The following GRK3 variants were observed in gnomAD, a reference collection of about 807,000 sequenced individuals.
GRK3 encodes adrenergic, beta, receptor kinase 2.
GRK3 carries 54 observed loss-of-function variants against 95.7 expected under a neutral mutation model. The ratio of observed to expected loss-of-function variants is 0.56; its 90% CI spans 0.45 to 0.71. The LOEUF is 0.71. Among genes scored for constraint, GRK3 ranks in the 30% least tolerant of loss-of-function variants. GRK3 has a pLI of 0.00. For missense variants in GRK3, 649 were observed against 851.2 expected (o/e 0.76, Z 2.96); for synonymous variants, 281 against 290.8 (o/e 0.97, Z 0.34).
intron 2 of GRK3, among the ~76,000 whole-genome samples, chr22:25,606,177 G>A (rs2084445046): frequency 6.6e-6 from 1 of 152,220 alleles, no homozygotes; most frequent in Admixed American, 6.5e-5. Context: ...CAGTCTCACT[G>A]GGCGCTGATG....
intron 2 of GRK3, among the ~76,000 whole-genome samples, chr22:25,617,349 T>C (rs1361637496): frequency 2.0e-5 from 3 of 152,200 alleles, no homozygotes; most frequent in Admixed American, 6.5e-5. Context: ...TGAAATGGAA[T>C]AGCTTGCTGG....
Position 25,726,912 on chromosome 22 carries a change from CGTGTGTGTGTGT to C in GRK3, c.*4496_*4507del, listed in dbSNP as rs3223258. 8.2e-3 allele frequency: 1,126 copies of C among 137,996 alleles called. 6 individuals are homozygous for C. Among genetic ancestry groups the C allele is most frequent in the Middle Eastern group, 0.014 (4 of 280 alleles). 8.5% of individuals were successfully genotyped at this position (137,996 alleles called of 1,614,324 possible). On this transcript the variant is annotated 3_prime_UTR_variant, in exon 21 of 21. Coordinates refer to ENST00000324198, the MANE Select transcript of GRK3 (RefSeq NM_005160.4). ...TTACCAGGCCATCTCCAAAACACCC[CGTGTGTGTGTGT>C]GTGTGTGTGTGTGTGTGTGTGTGTG... is the stretch of plus-strand genomic sequence containing the variant.
chr22:25,671,231 T>G (rs1170368869), intron 6 of GRK3, among the ~76,000 whole-genome samples: 1 of 151,762 alleles, frequency 6.6e-6, no homozygotes, highest in East Asian at 1.9e-4. Flanking sequence ...TCCCAGCTAC[T>G]CCGGAGGCTG....
intron 1 of GRK3, among the ~76,000 whole-genome samples, chr22:25,566,965 T>C (rs1416677511): frequency 2.0e-5 from 3 of 152,108 alleles, no homozygotes; most frequent in Non-Finnish European, 4.4e-5. Context: ...GTTTTTTTTT[T>C]CTTGGTGTTT....
intron 9 of GRK3, among the ~76,000 whole-genome samples, chr22:25,682,541 AT>A (rs903541423): frequency 2.0e-5 from 3 of 152,200 alleles, no homozygotes; most frequent in African/African-American, 7.2e-5. Context: ...CTGTTTACAG[AT>A]TATGTTGAAA....
chr22:25,660,799 TA>T (rs2084904647), intron 3 of GRK3, among the ~76,000 whole-genome samples: 1 of 152,232 alleles, frequency 6.6e-6, no homozygotes, highest in Admixed American at 6.5e-5. Context: ...TCTTTTGGAT[TA>T]AAAGTATTTC....
At chr22:25,588,305 A>C (rs1569154976) in intron 1 of GRK3, among the ~76,000 whole-genome samples, 1 of 152,250 alleles carries the variant, frequency 6.6e-6, no homozygotes, top group Non-Finnish European at 1.5e-5. Context: ...AAAGGCATTA[A>C]AACAGAATGT....
At chr22:25,572,180 C>T (rs1213317122) in intron 1 of GRK3, among the ~76,000 whole-genome samples, 8 of 152,156 alleles carry the variant, frequency 5.3e-5, no homozygotes, top group Admixed American at 5.2e-4. Flanking sequence ...CTACAAAGGA[C>T]ATAAACTCAT....
chr22:25,612,063 G>A (rs2084502151), intron 2 of GRK3, among the ~76,000 whole-genome samples: 1 of 151,974 alleles, frequency 6.6e-6, no homozygotes, highest in African/African-American at 2.4e-5. Flanking sequence ...GATCTCTTGA[G>A]CTCAGGCAAT....
chr22:25,585,718 C>G (rs1601453149), intron 1 of GRK3, among the ~76,000 whole-genome samples: 2 of 152,390 alleles, frequency 1.3e-5, no homozygotes, highest in East Asian at 1.9e-4. Flanking sequence ...TTTGGGCTCC[C>G]TTGGTGCAAA....
chr22:25,692,110 T>A (rs182151205), intron 12 of GRK3, among the ~76,000 whole-genome samples: 25 of 152,218 alleles, frequency 1.6e-4, no homozygotes, highest in Non-Finnish European at 2.5e-4. Flanking sequence ...ACCACAGTCA[T>A]GTGCCCCAAC....
intron 13 of GRK3, among the ~76,000 whole-genome samples, chr22:25,699,502 A>T (rs2085239167): frequency 6.6e-6 from 1 of 152,028 alleles, no homozygotes; most frequent in African/African-American, 2.4e-5. Context: ...GATGCTGCTC[A>T]ACATCCTATG....
intron 1 of GRK3, among the ~76,000 whole-genome samples, chr22:25,571,272 G>T (rs1931692087): frequency 6.6e-6 from 1 of 152,174 alleles, no homozygotes; most frequent in South Asian, 2.1e-4. Context: ...AGACATTAAG[G>T]ATCTGATTCC....
chr22:25,600,632 G>A (rs556825222), intron 1 of GRK3, among the ~76,000 whole-genome samples: 8 of 152,248 alleles, frequency 5.3e-5, no homozygotes, highest in Middle Eastern at 3.4e-3. Context: ...CTATTCAGGA[G>A]GATGTGCATA....
chr22:25,569,965 G>A (rs924841503), intron 1 of GRK3, among the ~76,000 whole-genome samples: 3 of 152,194 alleles, frequency 2.0e-5, no homozygotes, highest in Non-Finnish European at 4.4e-5. Flanking sequence ...CCCAGGTTTC[G>A]CCCAGCTCGG....
chr22:25,599,330 T>C (rs377586530), intron 1 of GRK3, among the ~76,000 whole-genome samples: 1 of 152,130 alleles, frequency 6.6e-6, no homozygotes, highest in African/African-American at 2.4e-5. Context: ...CAGTGGCTCA[T>C]GCCTGTAATC....
chr22:25,664,709 C>T (rs976375257), intron 5 of GRK3, among the ~76,000 whole-genome samples: 2 of 151,724 alleles, frequency 1.3e-5, no homozygotes, highest in African/African-American at 2.4e-5. Context: ...TTAGTAGAGA[C>T]GGGGTTTCAT....
Position 25,685,154 on chromosome 22 carries a change from TA to T in GRK3, c.748-15del. On this transcript the variant is annotated splice_polypyrimidine_tract_variant and intron_variant, in intron 9 of 20. Transcript: ENST00000324198. ...AGCTTTTGCTCTTCTTATAAACTTT[TA>T]TTGTTTCACTCTAGGACTGTCCTTT... is the stretch of plus-strand genomic sequence containing the variant. 2 of 1,590,362 alleles carry T rather than the reference TA, an allele frequency of 1.3e-6. No individual in the cohort carries two copies. The highest frequency in any genetic ancestry group is 1.7e-6 in the Non-Finnish European group (2 of 1,159,764).
intron 12 of GRK3, among the ~76,000 whole-genome samples, chr22:25,691,219 A>G (rs577505551): frequency 1.2e-4 from 19 of 152,282 alleles, no homozygotes; most frequent in African/African-American, 4.1e-4. Flanking sequence ...GTCTTTTTAG[A>G]TGTCTCCTCC....
Sources: allele counts gnomAD v4.1 joint callset (sites outside exome capture counted in the v4.1 genomes callset), GRCh38; gene constraint gnomAD v4.1.1; transcripts MANE v1.5; gene names NCBI Gene and HGNC (gene_info 2026-07-23, HGNC 2026-07-21).